CTNNA2: variants seen among roughly 807,000 people sequenced by gnomAD.
CTNNA2 encodes catenin alpha 2, also known as catenin alpha-2.
CTNNA2 carries 42 observed loss-of-function variants against 101.0 expected under a neutral mutation model. The observed-to-expected ratio is 0.42, with a 90% CI of 0.32 to 0.54. The LOEUF is 0.54. Among genes scored for constraint, CTNNA2 ranks in the 20% least tolerant of loss-of-function variants. The probability of loss-of-function intolerance (pLI) is 0.14; values close to 1 mark genes in which losing one functional copy is unlikely to be tolerated. For synonymous variants in CTNNA2, 450 were observed against 456.4 expected (o/e 0.99, Z 0.18); for missense variants, 871 against 1,223.1 (o/e 0.71, Z 4.29).
intron 4 of CTNNA2, among the ~76,000 whole-genome samples, chr2:79,417,509 G>C (rs1246909302): frequency 6.6e-6 from 1 of 152,168 alleles, no homozygotes; most frequent in East Asian, 1.9e-4. Flanking sequence ...TTTCTGCAGA[G>C]TTCACTGGGA....
intron 7 of CTNNA2, among the ~76,000 whole-genome samples, chr2:80,161,279 G>A (rs1704301138): frequency 6.6e-6 from 1 of 152,094 alleles, no homozygotes; most frequent in African/African-American, 2.4e-5. Context: ...GCCTCCCAAA[G>A]TGCTGGGATT....
chr2:80,142,223 G>T (rs1276908299), intron 7 of CTNNA2, among the ~76,000 whole-genome samples: 1 of 152,158 alleles, frequency 6.6e-6, no homozygotes, highest in African/African-American at 2.4e-5. Context: ...TTATGACTTT[G>T]CCTGTAATGT....
At chr2:80,020,231 G>A (rs576388911) in intron 7 of CTNNA2, among the ~76,000 whole-genome samples, 8 of 152,260 alleles carry the variant, frequency 5.3e-5, no homozygotes, top group Admixed American at 5.2e-4. Context: ...AAAGACCAAG[G>A]GGAAGTGAAT....
Position 79,237,821 on chromosome 2 carries a change from T to C in CTNNA2, c.-406+39745T>C, listed in dbSNP as rs1279052943. ...CTTTCCTCTCTCAGCCATTGTAAGA[T>C]TGAAGAGAGTTAGGTCTTTTCTCTG... On this transcript the variant is annotated intron_variant, in intron 2 of 21. Transcript: ENST00000466387. Among the ~76,000 whole-genome samples the C allele has an allele frequency of 2.6e-5, 4 of 152,202 alleles. No individual in the cohort carries two copies. The East Asian group carries it at 7.7e-4, about 29-fold the overall frequency.
At chr2:79,320,254 G>A (rs964260384) in intron 3 of CTNNA2, among the ~76,000 whole-genome samples, 61 of 140,080 alleles carry the variant, frequency 4.4e-4, no homozygotes, top group South Asian at 2.3e-4. Flanking sequence ...CTACCTTTAC[G>A]TTTCAATTTT....
At chr2:80,583,425 T>C (rs1018602574) in intron 14 of CTNNA2, among the ~76,000 whole-genome samples, 3 of 152,200 alleles carry the variant, frequency 2.0e-5, no homozygotes, top group African/African-American at 4.8e-5. Flanking sequence ...TGAAAATCTT[T>C]TGACTCTGTG....
At chr2:79,544,988 C>T (rs28447361) in intron 1 of CTNNA2, among the ~76,000 whole-genome samples, 51,496 of 151,896 alleles carry the variant, frequency 0.34, 9,475 homozygotes, top group East Asian at 0.5. Flanking sequence ...AGCAATAGGC[C>T]GGGGCTATCC....
intron 3 of CTNNA2, among the ~76,000 whole-genome samples, chr2:79,341,560 A>G (rs1277308950): frequency 6.6e-6 from 1 of 152,192 alleles, no homozygotes; most frequent in Non-Finnish European, 1.5e-5. Context: ...TGGAGCAACG[A>G]TCTTTGTTTC....
chr2:80,410,306 G>T (rs1252181129), intron 8 of CTNNA2, among the ~76,000 whole-genome samples: 1 of 152,218 alleles, frequency 6.6e-6, no homozygotes, highest in Non-Finnish European at 1.5e-5. Flanking sequence ...CACGAAATAA[G>T]AATTGCTAGA....
intron 7 of CTNNA2, among the ~76,000 whole-genome samples, chr2:80,366,501 A>G (rs1674947756): frequency 6.6e-6 from 1 of 152,118 alleles, no homozygotes; most frequent in South Asian, 2.1e-4. Context: ...GGCAAATTCA[A>G]GGCCTGGTGT....
At chr2:80,573,519 C>T (rs1178977628) in intron 12 of CTNNA2, among the ~76,000 whole-genome samples, 1 of 152,134 alleles carries the variant, frequency 6.6e-6, no homozygotes, top group African/African-American at 2.4e-5. Context: ...ACTCCTTCCC[C>T]ATCTTCCCTT....
chr2:80,485,677 TG>T (rs1449147473), intron 9 of CTNNA2, among the ~76,000 whole-genome samples: 1 of 152,222 alleles, frequency 6.6e-6, no homozygotes, highest in African/African-American at 2.4e-5. Flanking sequence ...TGAAACATTT[TG>T]ATTCCTTAAC....
chr2:79,324,083 G>A (rs1256071203), intron 3 of CTNNA2, among the ~76,000 whole-genome samples: 1 of 152,154 alleles, frequency 6.6e-6, no homozygotes, highest in African/African-American at 2.4e-5. Flanking sequence ...ATTCAGTCCT[G>A]AAAATGAAGC....
At chr2:80,414,238 G>T (rs1679843243) in intron 8 of CTNNA2, among the ~76,000 whole-genome samples, 1 of 152,226 alleles carries the variant, frequency 6.6e-6, no homozygotes, top group Non-Finnish European at 1.5e-5. Flanking sequence ...CAGCATAAAA[G>T]AGTGCAGCAC....
chr2:80,522,551 C>G (rs1180684716), intron 9 of CTNNA2, among the ~76,000 whole-genome samples: 1 of 152,088 alleles, frequency 6.6e-6, no homozygotes, highest in Admixed American at 6.5e-5. Context: ...GTTTTCTATC[C>G]TGGAGATTTT....
chr2:79,788,394 T>C (rs17017910), intron 3 of CTNNA2, among the ~76,000 whole-genome samples: 23,723 of 152,020 alleles, frequency 0.16, 3,084 homozygotes, highest in East Asian at 0.37. Flanking sequence ...AGGATACCTT[T>C]TGAAGTTTTT....
rs554600608 is a variant in CTNNA2 at position 80,091,083 on chromosome 2, G to A, written c.1056+181286G>A. Among the ~76,000 whole-genome samples, 5 of 152,196 alleles carry A rather than the reference G, an allele frequency of 3.3e-5. No homozygotes were observed. The South Asian group carries it at 1.0e-3, about 32-fold the overall frequency. ...GAGGTATAGTCTCATCTAAATTTCAGCATTAGACTCCAAGTAGTTTTAAAG... is the reference window on the plus strand; with the variant it reads ...GAGGTATAGTCTCATCTAAATTTCAACATTAGACTCCAAGTAGTTTTAAAG... On this transcript the variant is annotated intron_variant, in intron 7 of 18. Coordinates refer to ENST00000402739, the MANE Select transcript of CTNNA2 (RefSeq NM_001282597.3).
At chr2:79,818,928 C>A (rs1677783059) in intron 3 of CTNNA2, among the ~76,000 whole-genome samples, 1 of 143,036 alleles carries the variant, frequency 7.0e-6, no homozygotes, top group African/African-American at 2.6e-5. Context: ...CACATACACA[C>A]AAAAGTATTG....
chr2:80,078,303 G>A (rs1030209807), intron 7 of CTNNA2, among the ~76,000 whole-genome samples: 2 of 152,106 alleles, frequency 1.3e-5, no homozygotes, highest in Non-Finnish European at 2.9e-5. Flanking sequence ...AGGGGACCAT[G>A]GGTGTGCGGG....
Sources: allele counts gnomAD v4.1 joint callset (sites outside exome capture counted in the v4.1 genomes callset), GRCh38; gene constraint gnomAD v4.1.1; transcripts MANE v1.5; gene names NCBI Gene and HGNC (gene_info 2026-07-23, HGNC 2026-07-21).